Variants in CMAS observed in about 807,000 individuals in gnomAD.
CMAS encodes the protein N-acylneuraminate cytidylyltransferase.
CMAS carries 21 observed loss-of-function variants against 53.4 expected under a neutral mutation model. The observed-to-expected ratio is 0.39, with a 90% CI of 0.28 to 0.57. CMAS has a LOEUF of 0.57. CMAS is among the 20% of genes least tolerant of loss of function. The probability of loss-of-function intolerance (pLI) is 0.56; values close to 1 mark genes in which losing one functional copy is unlikely to be tolerated. For missense variants in CMAS, 384 were observed against 534.9 expected (o/e 0.72, Z 2.78); for synonymous variants, 189 against 195.2 (o/e 0.97, Z 0.27).
intron 4 of CMAS, chr12:22,060,505 T>G (rs1950302088): frequency 5.8e-6 from 1 of 173,894 alleles, no homozygotes; most frequent in Non-Finnish European, 1.2e-5. Flanking sequence ...TTTTAAAAAT[T>G]TAGCCGGACA....
chr12:22,055,667 A>G (rs1950263432), intron 3 of CMAS, 57 bp downstream of exon 3: 1 of 1,471,508 alleles, frequency 6.8e-7, no homozygotes, highest in Non-Finnish European at 9.3e-7. Flanking sequence ...ATTTTTTTGT[A>G]TATAAATATC....
intron 3 of CMAS, among the ~76,000 whole-genome samples, chr12:22,057,723 A>G (rs551369767): frequency 6.6e-6 from 1 of 152,264 alleles, no homozygotes; most frequent in South Asian, 2.1e-4. Flanking sequence ...GAATACCTTA[A>G]TTGTTCCACA....
At chr12:22,053,843 C>T (rs1299145700) in intron 1 of CMAS, among the ~76,000 whole-genome samples, 1 of 149,420 alleles carries the variant, frequency 6.7e-6, no homozygotes, top group Non-Finnish European at 1.5e-5. Flanking sequence ...CGCGCCACTG[C>T]ACTCCAACCT....
At chr12:22,061,692 T>C (rs1190680116) in intron 6 of CMAS, among the ~76,000 whole-genome samples, 1 of 152,174 alleles carries the variant, frequency 6.6e-6, no homozygotes, top group Non-Finnish European at 1.5e-5. Context: ...TACTTTTAAA[T>C]GGGAGCTATC....
rs1360036517 is a variant in CMAS, at chr12:22,046,540, C to T, written c.237C>T (p.Ala79=). 6.3e-7 allele frequency: 1 copy of T among 1,599,004 alleles called. No homozygotes were observed. Among genetic ancestry groups the T allele is most frequent in the Non-Finnish European group, 8.5e-7 (1 of 1,174,156 alleles). Residue 79 remains alanine (A), a synonymous_variant, in exon 1 of 8, where the codon GCC becomes GCT. Transcript: ENST00000229329. ...VPLIGWVLRA[A]LDSGAFQSVW... is the part of the protein sequence containing the mutation. ...TCATTGGCTGGGTCCTGCGTGCGGC[C>T]CTGGATTCAGGGGCCTTCCAGAGGT... is the stretch of plus-strand genomic sequence containing the variant.
chr12:22,062,171 C>T lies in CMAS; in HGVS notation c.961-110C>T, dbSNP rs548244870. 3.6e-5 allele frequency: 33 copies of T among 906,426 alleles called. 1 individual carries two copies. The highest frequency in any genetic ancestry group is 1.2e-4 in the African/African-American group (7 of 57,124). 56.1% of individuals were successfully genotyped at this position (906,426 alleles called of 1,614,324 possible). On this transcript the variant is annotated intron_variant, in intron 6 of 7. Transcript: ENST00000229329. ...ACCTTCAGAAAGTCAAAAGATGACT[C>T]GTTTGTGATTTGGACTGTCTACAAG... is the stretch of plus-strand genomic sequence containing the variant.
Position 22,060,931 on chromosome 12 carries a change from AAAC to A in CMAS, c.788+8_788+10del. On this transcript the variant is annotated splice_donor_region_variant and intron_variant, in intron 5 of 7. Coordinates refer to ENST00000229329, the MANE Select transcript of CMAS (RefSeq NM_018686.6). Reference sequence around the variant, plus strand: ...TGCAGAGCAAAGAGTATTAAGGTAAAAACAAATAAACCTTTATAACCTTTGTAC... The same window carrying A: ...TGCAGAGCAAAGAGTATTAAGGTAAAAAATAAACCTTTATAACCTTTGTAC... The A allele has an allele frequency of 1.3e-6, 2 of 1,483,676 alleles. No individual in the cohort carries two copies. The highest frequency in any genetic ancestry group is 1.9e-6 in the Non-Finnish European group (2 of 1,062,090). The allele number at this position is 1,483,676 out of a possible 1,614,324, so 91.9% of individuals were successfully genotyped here.
intron 5 of CMAS, 91 bp downstream of exon 5, chr12:22,061,017 A>C (rs971545332): frequency 1.2e-6 from 1 of 840,480 alleles, no homozygotes; most frequent in East Asian, 2.6e-5. Context: ...ACATCTTAGG[A>C]TCTTTGTAAT....
At chr12:22,062,510 A>G (rs1401493259) in intron 7 of CMAS, 76 bp downstream of exon 7, 2 of 1,430,446 alleles carry the variant, frequency 1.4e-6, no homozygotes, top group Admixed American at 3.6e-5. Flanking sequence ...GAAATGACAA[A>G]GCACATCCTC....
chr12:22,054,037 C>T (rs1950252489), intron 1 of CMAS, among the ~76,000 whole-genome samples: 1 of 151,678 alleles, frequency 6.6e-6, no homozygotes, highest in Non-Finnish European at 1.5e-5. Flanking sequence ...AGCGATCCTC[C>T]TGTCTCAGCC....
intron 1 of CMAS, among the ~76,000 whole-genome samples, chr12:22,050,972 T>TC (rs1357387691): frequency 1.2e-4 from 19 of 152,082 alleles, no homozygotes; most frequent in Admixed American, 2.6e-4. Context: ...CCTCCTACCC[T>TC]CTCTTTTGTT....
intron 3 of CMAS, among the ~76,000 whole-genome samples, chr12:22,057,764 A>C (rs1179731785): frequency 6.6e-6 from 1 of 152,116 alleles, no homozygotes; most frequent in Non-Finnish European, 1.5e-5. Flanking sequence ...GTTTTCTAGT[A>C]GCTATTGGAA....
At chr12:22,060,705 T>G (rs1950303767) in intron 4 of CMAS, 127 bp from the exon 5 acceptor site, 1 of 581,680 alleles carries the variant, frequency 1.7e-6, no homozygotes, top group South Asian at 2.5e-5. Flanking sequence ...ATGTGACTGA[T>G]TTTTACTGGG....
intron 4 of CMAS, among the ~76,000 whole-genome samples, chr12:22,059,654 T>C (rs767584800): frequency 3.3e-5 from 5 of 152,216 alleles, no homozygotes; most frequent in Non-Finnish European, 7.3e-5. Context: ...ACAAATCTTC[T>C]GGTCAATGTG....
At chr12:22,048,629 T>C (rs1377287095) in intron 1 of CMAS, among the ~76,000 whole-genome samples, 4 of 152,176 alleles carry the variant, frequency 2.6e-5, no homozygotes, top group Admixed American at 6.5e-5. Context: ...ATAAAAACTT[T>C]CCCTGCCTTT....
Position 22,053,836 on chromosome 12 carries a change from G to A in CMAS, c.261-1313G>A, listed in dbSNP as rs575809791. Among the ~76,000 whole-genome samples, 104 of 150,110 alleles carry A rather than the reference G, an allele frequency of 6.9e-4. 1 individual carries two copies. In the Middle Eastern group the frequency reaches 0.014, roughly 20 times the overall value. On this transcript the variant is annotated intron_variant, in intron 1 of 7. Coordinates refer to ENST00000229329, the MANE Select transcript of CMAS (RefSeq NM_018686.6). ...GGAGCTTGCAGTGAGCCGAGATCGCGCCACTGCACTCCAACCTGGGAGACA... is the reference window on the plus strand; with the variant it reads ...GGAGCTTGCAGTGAGCCGAGATCGCACCACTGCACTCCAACCTGGGAGACA...
intron 7 of CMAS, 118 bp downstream of exon 7, chr12:22,062,552 T>A: frequency 9.7e-7 from 1 of 1,033,650 alleles, no homozygotes; most frequent in Non-Finnish European, 1.4e-6. Flanking sequence ...AAATAGGAAC[T>A]CTTTTAACAA....
chr12:22,051,921 C>G (rs1950240933), intron 1 of CMAS, among the ~76,000 whole-genome samples: 1 of 152,068 alleles, frequency 6.6e-6, no homozygotes, highest in Admixed American at 6.5e-5. Flanking sequence ...ATCCTCTAAA[C>G]CATATGAGGT....
At chr12:22,052,962 T>C (rs1950245559) in intron 1 of CMAS, among the ~76,000 whole-genome samples, 1 of 152,210 alleles carries the variant, frequency 6.6e-6, no homozygotes, top group African/African-American at 2.4e-5. Flanking sequence ...TCTTTAGTTT[T>C]TCACTTTCTT....
Sources: gnomAD v4.1 joint callset for allele counts (sites outside exome capture counted in the v4.1 genomes callset) on GRCh38, gnomAD v4.1.1 for gene constraint, MANE v1.5 for transcripts, NCBI Gene and HGNC (gene_info 2026-07-23, HGNC 2026-07-21) for gene names.